SLC25A13: variants seen among roughly 807,000 people sequenced by gnomAD.
SLC25A13 encodes solute carrier family 25 member 13.
In SLC25A13, 70 loss-of-function variants were observed where a neutral mutation model predicts 85.5. The observed-to-expected ratio is 0.82, with a 90% confidence interval of 0.68 to 1.00. The LOEUF (loss-of-function observed/expected upper bound fraction) is 1.00, where lower values mean the gene tolerates loss of function less well. Ranked by LOEUF, SLC25A13 falls within the 50% of genes least tolerant of loss-of-function variation. The pLI, the probability that SLC25A13 is intolerant of heterozygous loss-of-function variation, is 0.00. For synonymous variants in SLC25A13, 259 were observed against 288.7 expected (o/e 0.90, Z 1.04); for missense variants, 765 against 819.8 (o/e 0.93, Z 0.82).
intron 2 of SLC25A13, among the ~76,000 whole-genome samples, chr7:96,285,651 G>A (rs948146504): frequency 2.0e-5 from 3 of 152,024 alleles, no homozygotes; most frequent in African/African-American, 7.3e-5. Flanking sequence ...TAACCACAAC[G>A]CAGGCCCTTG....
In SLC25A13 at chr7:96,141,454, G is replaced by C. The variant is rs182537740; in HGVS notation, c.1452+5102C>G. ...AGTAAGCTCTCAATGAGTGTGTTGA[G>C]TGAGTGAATTAATATGATTTACATT... is the stretch of plus-strand genomic sequence containing the variant. On this transcript the variant is annotated intron_variant, in intron 14 of 17. Transcript: ENST00000265631. Among the ~76,000 whole-genome samples the C allele has an allele frequency of 3.9e-5, 6 of 152,320 alleles. No homozygotes were observed. The East Asian group carries it at 9.6e-4, about 24-fold the overall frequency.
intron 3 of SLC25A13, among the ~76,000 whole-genome samples, chr7:96,242,957 T>C (rs1361994785): frequency 6.6e-6 from 1 of 152,132 alleles, no homozygotes; most frequent in Non-Finnish European, 1.5e-5. Context: ...CTTCCAATAT[T>C]TTACAGTCTG....
rs1799281301 is a variant in SLC25A13, at chr7:96,294,674, A to G, written c.69+2224T>C. 2.0e-5 allele frequency among the ~76,000 whole-genome samples: 3 copies of G among 152,032 alleles called. No individual in the cohort carries two copies. The South Asian group carries it at 6.2e-4, about 32-fold the overall frequency. ...TTTCTGGGCTAAAAACAAATTTATA[A>G]AGAACATTGCTTTGTTTTTAAGAGA... On this transcript the variant is annotated intron_variant, in intron 2 of 17. Transcript: ENST00000265631.
At chr7:96,189,515 C>T in intron 8 of SLC25A13, 66 bp downstream of exon 8, 3 of 1,528,796 alleles carry the variant, frequency 2.0e-6, no homozygotes, top group South Asian at 1.1e-5. Flanking sequence ...CTCCTGATTG[C>T]TGCCCTCCTC....
chr7:96,162,235 T>C (rs1793534838), intron 13 of SLC25A13, among the ~76,000 whole-genome samples: 3 of 152,218 alleles, frequency 2.0e-5, no homozygotes, highest in Non-Finnish European at 2.9e-5. Flanking sequence ...AGAGTATATG[T>C]ATTCATTATA....
intron 11 of SLC25A13, among the ~76,000 whole-genome samples, chr7:96,177,863 G>C: frequency 6.6e-6 from 1 of 152,104 alleles, no homozygotes; most frequent in South Asian, 2.1e-4. Flanking sequence ...TCAAATCAGG[G>C]CTCTGTGCTC....
At chr7:96,277,084 A>T in intron 3 of SLC25A13, 112 bp downstream of exon 3, 1 of 1,016,592 alleles carries the variant, frequency 9.8e-7, no homozygotes, top group Non-Finnish European at 1.4e-6. Context: ...AAGTACAGAA[A>T]ATGGTCCTAA....
intron 13 of SLC25A13, among the ~76,000 whole-genome samples, chr7:96,157,945 T>C (rs1014497307): frequency 2.0e-5 from 3 of 152,218 alleles, no homozygotes; most frequent in Non-Finnish European, 4.4e-5. Flanking sequence ...AATCATAATA[T>C]ACTTTAGGTC....
intron 1 of SLC25A13, among the ~76,000 whole-genome samples, chr7:96,301,693 A>T (rs1054409680): frequency 6.6e-6 from 1 of 150,748 alleles, no homozygotes; most frequent in Non-Finnish European, 1.5e-5. Flanking sequence ...CAGTGGTGCG[A>T]TCATGGCTTA....
At chr7:96,291,352 C>A (rs1281867220) in intron 2 of SLC25A13, among the ~76,000 whole-genome samples, 1 of 152,144 alleles carries the variant, frequency 6.6e-6, no homozygotes, top group African/African-American at 2.4e-5. Context: ...GACACCCTAA[C>A]ATCACAATTA....
At chr7:96,175,585 C>T (rs77035994) in intron 11 of SLC25A13, among the ~76,000 whole-genome samples, 1 of 152,318 alleles carries the variant, frequency 6.6e-6, no homozygotes, top group Non-Finnish European at 1.5e-5. Flanking sequence ...GATGGGGGAA[C>T]GGGGTTCCAC....
In SLC25A13 at chr7:96,171,506, A is replaced by G. The variant is rs1004549438; in HGVS notation, c.1196T>C (p.Leu399Ser). The change falls in exon 12 of 18, where the codon TTG becomes TCG. Residue 399 changes from leucine to serine, a missense_variant. Leu to Ser is a moderately radical substitution (Grantham distance 145, BLOSUM62 -2). Transcript: ENST00000265631. ...TATGGCCTTCTCTGGGGCAACTCCCAATAACTGTGGCAACAGACCTAAAAA... is the reference window on the plus strand; with the variant it reads ...TATGGCCTTCTCTGGGGCAACTCCCGATAACTGTGGCAACAGACCTAAAAA... ...GLYRGLLPQL[L>S]GVAPEKAIKL... 3.1e-6 allele frequency: 5 copies of G among 1,613,512 alleles called. No individual in the cohort carries two copies. The highest frequency in any genetic ancestry group is 1.1e-5 in the South Asian group (1 of 91,050).
chr7:96,206,619 A>G (rs1795471289), intron 5 of SLC25A13, among the ~76,000 whole-genome samples: 1 of 152,210 alleles, frequency 6.6e-6, no homozygotes, highest in South Asian at 2.1e-4. Flanking sequence ...ATTCACCACT[A>G]TAACCATTGT....
intron 11 of SLC25A13, among the ~76,000 whole-genome samples, chr7:96,179,999 C>T (rs1267164107): frequency 6.6e-6 from 1 of 152,142 alleles, no homozygotes; most frequent in African/African-American, 2.4e-5. Flanking sequence ...CCAAAACTTC[C>T]CTCTGCAATA....
chr7:96,195,915 A>G (rs759646501), intron 5 of SLC25A13, among the ~76,000 whole-genome samples: 1 of 152,314 alleles, frequency 6.6e-6, no homozygotes, highest in Non-Finnish European at 1.5e-5. Context: ...TTGATCTTAC[A>G]TCATAATCAG....
chr7:96,167,869 G>A (rs1213764200), intron 13 of SLC25A13, among the ~76,000 whole-genome samples: 1 of 152,086 alleles, frequency 6.6e-6, no homozygotes, highest in African/African-American at 2.4e-5. Flanking sequence ...GGAGGCCAAG[G>A]CAGGCGGATC....
chr7:96,131,786 C>G lies in SLC25A13; in HGVS notation c.1548G>C (p.Gly516=), dbSNP rs750610043. The change falls in exon 15 of 18, where the codon GGG becomes GGC. Residue 516 remains glycine (G), a synonymous_variant. Transcript: ENST00000265631. ...AGAGCAGGCTTCCTGGGCTAACCTG[C>G]CCATCTTCATTTGCAAAGGAAGCCT... The part of the protein sequence containing the change: ...HVKASFANED[G]QVSPGSLLLA... 1 of 1,614,050 alleles carries G rather than the reference C, an allele frequency of 6.2e-7. No homozygotes were observed. Among genetic ancestry groups the G allele is most frequent in the Admixed American group, 1.7e-5 (1 of 60,008 alleles).
At chr7:96,245,142 CTT>C (rs1439780720) in intron 3 of SLC25A13, among the ~76,000 whole-genome samples, 1 of 152,160 alleles carries the variant, frequency 6.6e-6, no homozygotes, top group Non-Finnish European at 1.5e-5. Flanking sequence ...CCAACATTCT[CTT>C]TCTTATAAGA....
chr7:96,236,195 T>A (rs1282341945), intron 3 of SLC25A13, among the ~76,000 whole-genome samples: 1 of 152,014 alleles, frequency 6.6e-6, no homozygotes, highest in Non-Finnish European at 1.5e-5. Context: ...CATCTCTGTA[T>A]CATTAACCAT....
Sources: gnomAD v4.1 joint callset for allele counts (sites outside exome capture counted in the v4.1 genomes callset) on GRCh38, gnomAD v4.1.1 for gene constraint, MANE v1.5 for transcripts, NCBI Gene and HGNC (gene_info 2026-07-23, HGNC 2026-07-21) for gene names.